Variants in AGBL1 observed in about 807,000 individuals in gnomAD.
The protein encoded by AGBL1 is AGBL carboxypeptidase 1.
Under a neutral mutation model 118.9 loss-of-function variants are expected in AGBL1, and 130 were observed. That is an observed-to-expected ratio of 1.09 (90% CI 0.95 to 1.26). The LOEUF (loss-of-function observed/expected upper bound fraction) is 1.26, where lower values mean the gene tolerates loss of function less well. Ranked by LOEUF, AGBL1 falls within the 50% of genes most tolerant of loss-of-function variation. The pLI is 0.00. For missense variants in AGBL1, 1,584 were observed against 1,298.1 expected (o/e 1.22, Z -3.38); for synonymous variants, 555 against 478.9 (o/e 1.16, Z -2.08).
intron 16 of AGBL1, among the ~76,000 whole-genome samples, chr15:86,280,526 T>A (rs941794552): frequency 2.6e-5 from 4 of 152,186 alleles, no homozygotes; most frequent in African/African-American, 9.6e-5. Context: ...ACTGCTACCA[T>A]TTCGTGGATA....
intron 19 of AGBL1, 72 bp from the exon 20 acceptor site, chr15:86,545,930 T>C (rs2083573928): frequency 1.3e-6 from 2 of 1,533,870 alleles, no homozygotes; most frequent in Non-Finnish European, 1.8e-6. Context: ...CATGAGTAGA[T>C]ACGATTTAAG....
intron 18 of AGBL1, among the ~76,000 whole-genome samples, chr15:86,475,639 G>C (rs1473659270): frequency 6.6e-6 from 1 of 152,206 alleles, no homozygotes; most frequent in East Asian, 1.9e-4. Context: ...AACCAAGTTG[G>C]AAAACACTCG....
chr15:86,281,040 C>G (rs4537982), intron 16 of AGBL1, among the ~76,000 whole-genome samples: 4,926 of 152,286 alleles, frequency 0.032, 272 homozygotes, highest in African/African-American at 0.11. Context: ...ACATTCATCT[C>G]CCTTCAACAG....
chr15:86,508,396 G>A (rs1458392265), intron 18 of AGBL1, among the ~76,000 whole-genome samples: 4 of 152,022 alleles, frequency 2.6e-5, no homozygotes, highest in African/African-American at 7.2e-5. Flanking sequence ...AAAAAGAAGG[G>A]ATTAGAAAAA....
chr15:86,324,458 G>A (rs2080153424), intron 17 of AGBL1, among the ~76,000 whole-genome samples: 1 of 152,182 alleles, frequency 6.6e-6, no homozygotes, highest in African/African-American at 2.4e-5. Context: ...ACTGATGTGA[G>A]GCAGCTGTGA....
chr15:86,135,281 C>T lies in AGBL1; in HGVS notation c.52-6723C>T, dbSNP rs371937650. 2.0e-5 allele frequency among the ~76,000 whole-genome samples: 3 copies of T among 152,336 alleles called. No individual in the cohort carries two copies. In the East Asian group the frequency reaches 5.8e-4, roughly 29 times the overall value. ...TGCCTCATACCATGAGCAGAAATAG[C>T]CTGACACTTTCACGAAAAGCAGATG... On this transcript the variant is annotated intron_variant, in intron 1 of 22. Transcript: ENST00000614907.
intron 22 of AGBL1, among the ~76,000 whole-genome samples, chr15:86,705,368 C>T (rs977208445): frequency 3.3e-4 from 50 of 152,056 alleles, no homozygotes; most frequent in African/African-American, 1.2e-3. Context: ...TTATTAACAA[C>T]GTAAGAATGG....
intron 21 of AGBL1, among the ~76,000 whole-genome samples, chr15:86,647,530 G>A (rs950450231): frequency 4.6e-5 from 7 of 152,012 alleles, no homozygotes; most frequent in African/African-American, 1.4e-4. Flanking sequence ...GTGAAACCCC[G>A]TCTCTACTAA....
At chr15:86,309,664 A>G (rs918958961) in intron 17 of AGBL1, among the ~76,000 whole-genome samples, 16 of 152,224 alleles carry the variant, frequency 1.1e-4, no homozygotes. Context: ...TTTAATGACC[A>G]TATGATTTTT....
chr15:86,722,642 C>A (rs1268088746), intron 22 of AGBL1, among the ~76,000 whole-genome samples: 1 of 152,140 alleles, frequency 6.6e-6, no homozygotes, highest in Non-Finnish European at 1.5e-5. Flanking sequence ...GCAACAAAAG[C>A]CAAAATTGAC....
intron 18 of AGBL1, among the ~76,000 whole-genome samples, chr15:86,494,106 G>T (rs951103197): frequency 3.3e-5 from 5 of 152,054 alleles, no homozygotes; most frequent in African/African-American, 1.2e-4. Flanking sequence ...TAAGAGGTGG[G>T]AGATGAGTCA....
intron 22 of AGBL1, among the ~76,000 whole-genome samples, chr15:86,865,154 G>T (rs2079608185): frequency 6.6e-6 from 1 of 152,114 alleles, no homozygotes; most frequent in Non-Finnish European, 1.5e-5. Flanking sequence ...ATAAACCCTA[G>T]TATAACACTT....
At chr15:86,766,213 C>G (rs763055013) in intron 22 of AGBL1, among the ~76,000 whole-genome samples, 3 of 151,800 alleles carry the variant, frequency 2.0e-5, no homozygotes, top group Admixed American at 6.6e-5. Flanking sequence ...AGAGTCAAAC[C>G]CAAGTGGTGC....
chr15:86,752,317 G>A (rs1319332070), intron 22 of AGBL1, among the ~76,000 whole-genome samples: 6 of 152,070 alleles, frequency 3.9e-5, no homozygotes, highest in Non-Finnish European at 7.4e-5. Flanking sequence ...ATTGGAACTA[G>A]CATTTGTAGC....
chr15:86,941,357 T>C (rs2080749357), intron 23 of AGBL1, among the ~76,000 whole-genome samples: 1 of 152,226 alleles, frequency 6.6e-6, no homozygotes, highest in Admixed American at 6.5e-5. Context: ...ACAGTTATGG[T>C]AATATAAATA....
intron 24 of AGBL1, among the ~76,000 whole-genome samples, chr15:87,021,390 A>G (rs975440239): frequency 1.3e-5 from 2 of 152,156 alleles, no homozygotes; most frequent in African/African-American, 4.8e-5. Context: ...AATTATAAAA[A>G]CCCTGAAAGA....
intron 1 of AGBL1, among the ~76,000 whole-genome samples, chr15:86,090,249 G>A (rs541218551): frequency 6.6e-6 from 1 of 152,070 alleles, no homozygotes; most frequent in South Asian, 2.1e-4. Flanking sequence ...CATCCCTTTT[G>A]TTTTTACCTG....
At chr15:86,265,167 A>G (rs2079052943) in intron 11 of AGBL1, among the ~76,000 whole-genome samples, 1 of 152,224 alleles carries the variant, frequency 6.6e-6, no homozygotes, top group Non-Finnish European at 1.5e-5. Context: ...TCCTTCCTCA[A>G]AAGTAGGTTT....
At chr15:86,592,577 C>A (rs1043430359) in intron 21 of AGBL1, among the ~76,000 whole-genome samples, 2 of 152,172 alleles carry the variant, frequency 1.3e-5, no homozygotes, top group Admixed American at 1.3e-4. Flanking sequence ...GCCGTGTGTG[C>A]AGTGTGTTTA....
Sources: gnomAD v4.1 joint callset for allele counts (sites outside exome capture counted in the v4.1 genomes callset) on GRCh38, gnomAD v4.1.1 for gene constraint, MANE v1.5 for transcripts, NCBI Gene and HGNC (gene_info 2026-07-23, HGNC 2026-07-21) for gene names.